Variants in FIG4 observed in about 807,000 individuals in gnomAD.
FIG4 encodes FIG4 phosphoinositide 5-phosphatase, also known as polyphosphoinositide phosphatase.
A neutral mutation model predicts 118.6 loss-of-function variants in FIG4; 112 were observed. The observed-to-expected ratio is 0.94, with a 90% confidence interval of 0.81 to 1.11. The LOEUF is 1.11. FIG4 is among the 50% of genes least tolerant of loss of function. FIG4 has a pLI of 0.00. For synonymous variants in FIG4, 369 were observed against 381.2 expected, an observed-to-expected ratio of 0.97 and a Z score of 0.37; for missense variants, 969 against 1,111.7, an observed-to-expected ratio of 0.87 and a Z score of 1.83.
intron 1 of FIG4, among the ~76,000 whole-genome samples, chr6:109,698,953 T>A (rs760738119): frequency 1.1e-4 from 17 of 152,226 alleles, no homozygotes; most frequent in Admixed American, 2.0e-4. Context: ...TTTCTTAATG[T>A]CTTTGTCTGA....
intron 1 of FIG4, among the ~76,000 whole-genome samples, chr6:109,707,291 A>ATGTGTG (rs372863956): frequency 0.024 from 3,537 of 145,456 alleles, 88 homozygotes; most frequent in East Asian, 0.11. Context: ...ATATATATAT[A>ATGTGTG]TGTGTGTGTG....
chr6:109,726,779 T>G (rs1478316862), intron 3 of FIG4, among the ~76,000 whole-genome samples: 1 of 152,222 alleles, frequency 6.6e-6, no homozygotes, highest in African/African-American at 2.4e-5. Context: ...CTCTCTTACT[T>G]CCTTGAGCAG....
intron 16 of FIG4, among the ~76,000 whole-genome samples, chr6:109,780,014 C>T (rs948497000): frequency 1.3e-5 from 2 of 152,198 alleles, no homozygotes; most frequent in Non-Finnish European, 2.9e-5. Context: ...AAACCCTGTA[C>T]TGAAGTAGCC....
At chr6:109,793,532 G>A (rs1778196282) in intron 21 of FIG4, among the ~76,000 whole-genome samples, 1 of 152,136 alleles carries the variant, frequency 6.6e-6, no homozygotes, top group Non-Finnish European at 1.5e-5. Flanking sequence ...AAATCCCCAC[G>A]AACCTGATGA....
intron 4 of FIG4, among the ~76,000 whole-genome samples, chr6:109,728,839 G>A (rs6933962): frequency 0.8 from 121,214 of 152,058 alleles, 48,503 homozygotes; most frequent in African/African-American, 0.89. Flanking sequence ...AGAAGTTAAT[G>A]TTGTTTATAA....
At chr6:109,786,216 G>A in intron 17 of FIG4, 86 bp from the exon 18 acceptor site, 1 of 1,192,822 alleles carries the variant, frequency 8.4e-7, no homozygotes, top group South Asian at 1.3e-5. Flanking sequence ...TTATCACAGT[G>A]CTGTCTGTGA....
chr6:109,797,042 A>G (rs113477902), intron 22 of FIG4, among the ~76,000 whole-genome samples, 191 bp downstream of exon 22: 1 of 152,152 alleles, frequency 6.6e-6, no homozygotes, highest in African/African-American at 2.4e-5. Context: ...GGCAGCCCTA[A>G]TGGTCCTGAA....
chr6:109,735,092 A>C, intron 5 of FIG4, 58 bp from the exon 6 acceptor site: 1 of 1,463,692 alleles, frequency 6.8e-7, no homozygotes. Flanking sequence ...ATGGGCGCCA[A>C]GACCATGAAA....
chr6:109,715,578 T>A (rs937394291), intron 2 of FIG4, among the ~76,000 whole-genome samples: 1 of 152,202 alleles, frequency 6.6e-6, no homozygotes, highest in Non-Finnish European at 1.5e-5. Context: ...TTTATTTTCC[T>A]CCTAAAAATC....
intron 10 of FIG4, among the ~76,000 whole-genome samples, chr6:109,744,493 TTA>T (rs1175034671): frequency 6.6e-6 from 1 of 151,984 alleles, no homozygotes; most frequent in Non-Finnish European, 1.5e-5. Context: ...AAGGGTGTTG[TTA>T]TGTTATGTGC....
In FIG4 at chr6:109,754,066, G is replaced by C. The variant is rs532674363; in HGVS notation, c.1138-6184G>C. ...GTTTTTGCCCATTCAGTATGATATT[G>C]GCTGTGGGTTTGACACAGATAGCTC... On this transcript the variant is annotated intron_variant, in intron 10 of 22. Coordinates refer to ENST00000230124, the MANE Select transcript of FIG4 (RefSeq NM_014845.6). Among the ~76,000 whole-genome samples, 189 of 152,306 alleles carry C rather than the reference G, an allele frequency of 1.2e-3. 1 individual carries two copies. The highest frequency in any genetic ancestry group is 4.3e-3 in the African/African-American group (178 of 41,556).
intron 3 of FIG4, 73 bp downstream of exon 3, chr6:109,716,641 G>T: frequency 6.6e-7 from 1 of 1,524,960 alleles, no homozygotes; most frequent in Non-Finnish European, 9.1e-7. Context: ...CTACTTAAAG[G>T]AGTTTATAAG....
chr6:109,752,989 T>C (rs1776758404), intron 10 of FIG4, among the ~76,000 whole-genome samples: 1 of 152,232 alleles, frequency 6.6e-6, no homozygotes, highest in Non-Finnish European at 1.5e-5. Context: ...TGTTTAGTCT[T>C]TAATCCATCT....
At chr6:109,702,973 T>C (rs114141611) in intron 1 of FIG4, among the ~76,000 whole-genome samples, 2,891 of 152,274 alleles carry the variant, frequency 0.019, 32 homozygotes, top group South Asian at 0.029. Flanking sequence ...CGTTACCCTA[T>C]ATCATACTCT....
intron 1 of FIG4, among the ~76,000 whole-genome samples, chr6:109,711,121 C>A (rs1775245766): frequency 6.6e-6 from 1 of 152,006 alleles, no homozygotes; most frequent in East Asian, 1.9e-4. Context: ...TTATTATGGC[C>A]AGGTGTGGTG....
chr6:109,735,052 A>G (rs1776119653), intron 5 of FIG4, 98 bp from the exon 6 acceptor site: 1 of 991,784 alleles, frequency 1.0e-6, no homozygotes, highest in Non-Finnish European at 1.6e-6. Flanking sequence ...ATAGGTGCTA[A>G]GTAATTTAGT....
chr6:109,770,315 A>T (rs1227849439), intron 15 of FIG4, among the ~76,000 whole-genome samples: 1 of 152,162 alleles, frequency 6.6e-6, no homozygotes, highest in African/African-American at 2.4e-5. Context: ...TAAGAAACCT[A>T]CAGCAGTTAA....
chr6:109,697,036 G>A (rs1459162670), intron 1 of FIG4, among the ~76,000 whole-genome samples: 1 of 151,654 alleles, frequency 6.6e-6, no homozygotes, highest in Non-Finnish European at 1.5e-5. Context: ...ACCTAAAAAA[G>A]GGAAAAATGA....
intron 22 of FIG4, among the ~76,000 whole-genome samples, chr6:109,802,146 G>T (rs1450679400): frequency 6.6e-6 from 1 of 152,064 alleles, no homozygotes; most frequent in East Asian, 1.9e-4. Context: ...TTCCTCTTTC[G>T]TCCTGACATT....
Sources: gnomAD v4.1 joint callset for allele counts (sites outside exome capture counted in the v4.1 genomes callset) on GRCh38, gnomAD v4.1.1 for gene constraint, MANE v1.5 for transcripts, NCBI Gene and HGNC (gene_info 2026-07-23, HGNC 2026-07-21) for gene names.